SH3GLB1: variants seen among roughly 807,000 people sequenced by gnomAD.
SH3GLB1 encodes endophilin-B1.
Under a neutral mutation model 42.0 loss-of-function variants are expected in SH3GLB1, and 17 were observed. The ratio of observed to expected loss-of-function variants is 0.40; its 90% CI spans 0.28 to 0.61. The LOEUF is 0.61. SH3GLB1 is among the 20% of genes least tolerant of loss of function. SH3GLB1 has a pLI of 0.36. For missense variants in SH3GLB1, 355 were observed against 426.3 expected (o/e 0.83, Z 1.47); for synonymous variants, 132 against 146.6 (o/e 0.90, Z 0.72).
intron 8 of SH3GLB1, among the ~76,000 whole-genome samples, 161 bp from the exon 9 acceptor site, chr1:86,742,967 C>T (rs1378858104): frequency 6.6e-6 from 1 of 152,050 alleles, no homozygotes; most frequent in East Asian, 1.9e-4. Flanking sequence ...CCTCAAAAAA[C>T]TAATAATAAT....
intron 7 of SH3GLB1, among the ~76,000 whole-genome samples, chr1:86,738,929 C>T (rs1655921333): frequency 6.6e-6 from 1 of 152,206 alleles, no homozygotes; most frequent in South Asian, 2.1e-4. Flanking sequence ...TAGGCGTGAG[C>T]CACCACGTCC....
At chr1:86,728,297 G>A (rs1216565753) in intron 5 of SH3GLB1, 1 of 477,670 alleles carries the variant, frequency 2.1e-6, no homozygotes. Context: ...AAAAATATTT[G>A]ATTGGCTCTT....
intron 1 of SH3GLB1, among the ~76,000 whole-genome samples, chr1:86,708,667 C>T (rs1022052544): frequency 6.6e-6 from 1 of 152,088 alleles, no homozygotes; most frequent in Non-Finnish European, 1.5e-5. Flanking sequence ...TTTTTAAGTA[C>T]CTCAAGATGG....
chr1:86,721,686 G>A (rs954409705), intron 3 of SH3GLB1, among the ~76,000 whole-genome samples: 2 of 152,134 alleles, frequency 1.3e-5, no homozygotes, highest in Non-Finnish European at 2.9e-5. Context: ...AGATACTTCA[G>A]ATGATAACTG....
At chr1:86,741,360 AATG>A (rs1356664948) in intron 7 of SH3GLB1, among the ~76,000 whole-genome samples, 2 of 152,210 alleles carry the variant, frequency 1.3e-5, no homozygotes, top group African/African-American at 4.8e-5. Context: ...GTTGAATTAG[AATG>A]ATGTCAGACC....
intron 5 of SH3GLB1, chr1:86,730,302 T>G: frequency 2.0e-6 from 2 of 985,414 alleles, no homozygotes; most frequent in South Asian, 4.7e-5. Context: ...TGAACAATGC[T>G]GCAGAGATGT....
At chr1:86,730,349 T>C in intron 5 of SH3GLB1, 1 of 985,400 alleles carries the variant, frequency 1.0e-6, no homozygotes, top group Non-Finnish European at 1.2e-6. Flanking sequence ...GGATACCTGT[T>C]ATACTAAGTG....
intron 1 of SH3GLB1, among the ~76,000 whole-genome samples, chr1:86,710,701 A>G (rs1026540135): frequency 9.2e-5 from 14 of 152,252 alleles, no homozygotes; most frequent in African/African-American, 3.1e-4. Context: ...TTACTTTAAT[A>G]TTCTTTGGAG....
chr1:86,724,274 G>T, intron 4 of SH3GLB1, 39 bp from the exon 5 acceptor site: 1 of 1,399,584 alleles, frequency 7.1e-7, no homozygotes, highest in Non-Finnish European at 9.8e-7. Context: ...CAGAATTTTA[G>T]CATCTTTAGC....
At chr1:86,727,460 G>C (rs1163225818) in intron 5 of SH3GLB1, among the ~76,000 whole-genome samples, 2 of 151,948 alleles carry the variant, frequency 1.3e-5, no homozygotes, top group Non-Finnish European at 2.9e-5. Context: ...AATCTGAAAT[G>C]CTTTAAAATA....
chr1:86,719,250 C>T (rs1394121443), intron 2 of SH3GLB1, among the ~76,000 whole-genome samples: 1 of 152,134 alleles, frequency 6.6e-6, no homozygotes, highest in Non-Finnish European at 1.5e-5. Flanking sequence ...AACTTAAAAT[C>T]TTGTAGAATA....
At chr1:86,725,771 A>G (rs1655161726) in intron 5 of SH3GLB1, among the ~76,000 whole-genome samples, 1 of 152,172 alleles carries the variant, frequency 6.6e-6, no homozygotes, top group Non-Finnish European at 1.5e-5. Context: ...TTGGATAGTA[A>G]TGTCTTACGA....
intron 5 of SH3GLB1, among the ~76,000 whole-genome samples, chr1:86,731,933 G>T (rs1189104140): frequency 6.6e-6 from 1 of 152,030 alleles, no homozygotes; most frequent in Admixed American, 6.6e-5. Flanking sequence ...TACAAAATTA[G>T]CCAGGCATGG....
chr1:86,730,006 T>C, intron 5 of SH3GLB1: 1 of 1,316,692 alleles, frequency 7.6e-7, no homozygotes, highest in South Asian at 1.4e-5. Context: ...AACAAATATT[T>C]ATATTTTTCT....
chr1:86,720,620 CTA>C (rs1170988846), intron 3 of SH3GLB1, among the ~76,000 whole-genome samples: 1 of 152,078 alleles, frequency 6.6e-6, no homozygotes, highest in Admixed American at 6.5e-5. Flanking sequence ...TTGTTTATGT[CTA>C]ATAATAATTC....
intron 1 of SH3GLB1, among the ~76,000 whole-genome samples, chr1:86,705,842 G>A (rs1160874797): frequency 6.6e-6 from 1 of 152,134 alleles, no homozygotes; most frequent in Non-Finnish European, 1.5e-5. Flanking sequence ...TGGTGTTTAC[G>A]GTCACGGTAG....
chr1:86,726,814 C>T (rs1490250860), intron 5 of SH3GLB1, among the ~76,000 whole-genome samples: 2 of 151,442 alleles, frequency 1.3e-5, no homozygotes, highest in Non-Finnish European at 2.9e-5. Context: ...TCCTTTTTTT[C>T]CCCCCTGTAT....
In SH3GLB1 at chr1:86,728,563, T is replaced by C. The variant is rs186854078; in HGVS notation, c.570+4158T>C. On this transcript the variant is annotated intron_variant, in intron 5 of 8. Transcript: ENST00000370558. The stretch of plus-strand genomic sequence containing the variant: ...TTGCTATTAGCCGCTTGTAAAATTT[T>C]GAAATAATTGGAACCATGTATTCAT... The C allele has an allele frequency of 4.7e-4, 375 of 800,886 alleles. 1 individual carries two copies. The African/African-American group carries it at 5.0e-3, about 11-fold the overall frequency. The allele number at this position is 800,886 out of a possible 1,614,324, so 49.6% of individuals were successfully genotyped here.
chr1:86,730,352 ACTAAGTGGTAAT>A lies in SH3GLB1; in HGVS notation c.571-4247_571-4236del, dbSNP rs1487378509. On this transcript the variant is annotated intron_variant, in intron 5 of 8. Coordinates refer to ENST00000370558, the MANE Select transcript of SH3GLB1 (RefSeq NM_016009.5). ...CTGATAAATCTTGGATACCTGTTAT[ACTAAGTGGTAAT>A]CTTACAGTTCCTTACTATAGAAGGC... 10 of 985,418 alleles carry A rather than the reference ACTAAGTGGTAAT, an allele frequency of 1.0e-5. No individual in the cohort carries two copies. In the East Asian group the frequency reaches 6.8e-4, roughly 67 times the overall value. The allele number at this position is 985,418 out of a possible 1,614,324, so 61.0% of individuals were successfully genotyped here.
Sources: gnomAD v4.1 joint callset for allele counts (sites outside exome capture counted in the v4.1 genomes callset) on GRCh38, gnomAD v4.1.1 for gene constraint, MANE v1.5 for transcripts, NCBI Gene and HGNC (gene_info 2026-07-23, HGNC 2026-07-21) for gene names.